The following TANC1 variants were observed in gnomAD, a reference collection of about 807,000 sequenced individuals.
TANC1 encodes tetratricopeptide repeat, ankyrin repeat and coiled-coil containing 1.
TANC1 carries 77 observed loss-of-function variants against 149.7 expected under a neutral mutation model. The ratio of observed to expected loss-of-function variants is 0.51; its 90% CI spans 0.43 to 0.62. The LOEUF is 0.62. TANC1 is among the 20% of genes least tolerant of loss of function. TANC1 has a pLI of 0.00. For synonymous variants in TANC1, 854 were observed against 925.0 expected, an observed-to-expected ratio of 0.92 and a Z score of 1.39; for missense variants, 1,985 against 2,321.8, an observed-to-expected ratio of 0.85 and a Z score of 2.98.
intron 19 of TANC1, among the ~76,000 whole-genome samples, chr2:159,202,082 G>A (rs1273284942): frequency 6.6e-6 from 1 of 152,228 alleles, no homozygotes; most frequent in African/African-American, 2.4e-5. Context: ...TGGTTGTCGT[G>A]CCTGTTGCTG....
At chr2:159,003,946 T>C in intron 2 of TANC1, 3 of 1,612,740 alleles carry the variant, frequency 1.9e-6, no homozygotes, top group Non-Finnish European at 2.5e-6. Flanking sequence ...CAGCCACAGC[T>C]GATGACAAAA....
rs201616636 is a variant in TANC1, at chr2:159,153,972, G to A, written c.682+3416G>A. ...GCTTTGGAAGACCTAACAGTGGCTT[G>A]TAAAACAGGCTGGTGAGGACCCATG... On this transcript the variant is annotated intron_variant, in intron 7 of 26. Coordinates refer to ENST00000263635, the MANE Select transcript of TANC1 (RefSeq NM_033394.3). Among the ~76,000 whole-genome samples the A allele has an allele frequency of 2.0e-5, 3 of 152,210 alleles. 1 individual carries two copies. Among genetic ancestry groups the A allele is most frequent in the Admixed American group, 1.3e-4 (2 of 15,282 alleles).
At chr2:159,068,725 G>A (rs2042884184) in intron 3 of TANC1, among the ~76,000 whole-genome samples, 1 of 152,086 alleles carries the variant, frequency 6.6e-6, no homozygotes, top group Non-Finnish European at 1.5e-5. Context: ...ATGTTTGTTG[G>A]TTCTTATTCT....
intron 22 of TANC1, 110 bp downstream of exon 22, chr2:159,219,977 AGTGTGTGTGTGTGTGT>A (rs760037919): frequency 4.6e-3 from 2,580 of 559,818 alleles, no homozygotes; most frequent in East Asian, 0.027. Context: ...GTCATCAGAG[AGTGTGTGTGTGTGTGT>A]GTGTGTGTGT....
intron 12 of TANC1, among the ~76,000 whole-genome samples, chr2:159,175,828 A>G (rs2055792301): frequency 6.6e-6 from 1 of 152,248 alleles, no homozygotes; most frequent in African/African-American, 2.4e-5. Context: ...GCACTAATAA[A>G]TAGAAAACCA....
In TANC1 at chr2:159,097,772, C is replaced by A; in HGVS notation, c.197C>A (p.Ser66Tyr). 6.2e-7 allele frequency: 1 copy of A among 1,614,096 alleles called. No individual in the cohort carries two copies. The highest frequency in any genetic ancestry group is 8.5e-7 in the Non-Finnish European group (1 of 1,180,014). The change falls in exon 4 of 27, where the codon TCC becomes TAC. Residue 66 changes from serine to tyrosine, a missense_variant. Physicochemically the swap from Ser to Tyr is moderately radical, Grantham distance 144. Coordinates refer to ENST00000263635, the MANE Select transcript of TANC1 (RefSeq NM_033394.3). ...AAAGGTGTCTCGATGTCTCTGCCTT[C>A]CTCACCTTTGCTGCCTCGACAGTCT... ...LAKGVSMSLPSSPLLPRQSHL... is the reference protein window; with the variant it reads ...LAKGVSMSLPYSPLLPRQSHL...
chr2:158,990,295 T>C (rs796812451), intron 1 of TANC1, among the ~76,000 whole-genome samples: 2 of 152,344 alleles, frequency 1.3e-5, no homozygotes, highest in African/African-American at 4.8e-5. Flanking sequence ...TTAGAGTAGC[T>C]CCTAGCACAT....
At chr2:159,124,331 G>A (rs1010015941) in intron 4 of TANC1, among the ~76,000 whole-genome samples, 3 of 152,126 alleles carry the variant, frequency 2.0e-5, no homozygotes, top group Non-Finnish European at 2.9e-5. Flanking sequence ...GCGACGGAAC[G>A]AGATTTTGTC....
Position 159,179,070 on chromosome 2 carries a change from G to A in TANC1, c.2417G>A (p.Arg806Gln), listed in dbSNP as rs776082381. ...DALSCFLIKR[R>Q]DKTRMFCHPS... ...CTCTCCTGCTTCCTCATTAAGAGGC[G>A]AGACAAAACCCGCATGTTCTGCCAC... The change falls in exon 14 of 27, where the codon CGA (arginine) becomes CAA (glutamine). Residue 806 changes from arginine to glutamine, a missense_variant. By Grantham distance (43) the Arg-to-Gln change is conservative (BLOSUM62 1). This residue lies in a region of TANC1 where 508 missense variants were observed against 714.2 expected (regional missense o/e 0.71). Coordinates refer to ENST00000263635, the MANE Select transcript of TANC1 (RefSeq NM_033394.3). 18 of 1,613,756 alleles carry A rather than the reference G, an allele frequency of 1.1e-5. No individual in the cohort carries two copies. Among genetic ancestry groups the A allele is most frequent in the African/African-American group, 2.7e-5 (2 of 74,842 alleles).
intron 4 of TANC1, among the ~76,000 whole-genome samples, chr2:159,107,666 C>T (rs774824538): frequency 4.6e-5 from 7 of 152,182 alleles, no homozygotes; most frequent in Admixed American, 6.5e-5. Flanking sequence ...CCCTATTGTT[C>T]CTCTTCCCCC....
intron 2 of TANC1, among the ~76,000 whole-genome samples, chr2:159,054,894 G>GGT (rs2041734548): frequency 6.6e-6 from 1 of 152,192 alleles, no homozygotes; most frequent in East Asian, 1.9e-4. Flanking sequence ...AATGCCTACA[G>GGT]GTGGAAGAGA....
intron 25 of TANC1, chr2:159,228,522 G>C (rs1341088579): frequency 8.3e-5 from 36 of 433,052 alleles, no homozygotes; most frequent in Non-Finnish European, 1.3e-5. Context: ...GCTCCTCTCT[G>C]AGGCTGCCCC....
chr2:159,185,558 C>T (rs557097233), intron 14 of TANC1, among the ~76,000 whole-genome samples: 2 of 152,318 alleles, frequency 1.3e-5, no homozygotes, highest in African/African-American at 4.8e-5. Context: ...AGGGATGGTT[C>T]TGTGCTCTGT....
In TANC1 at chr2:159,057,294, TTTTACCTTGTA is replaced by T. The variant is rs1274144123; in HGVS notation, c.-15-8601_-15-8591del. Reference sequence around the variant, plus strand: ...ACCTTCACTGCACCTCTTACCTTGTTTTTACCTTGTAGACAAAATGGAGGCATGAATGTTTT... The same window carrying T: ...ACCTTCACTGCACCTCTTACCTTGTTGACAAAATGGAGGCATGAATGTTTT... On this transcript the variant is annotated intron_variant, in intron 2 of 26. Transcript: ENST00000263635. Among the ~76,000 whole-genome samples, 2 of 152,240 alleles carry T rather than the reference TTTTACCTTGTA, an allele frequency of 1.3e-5. 1 individual carries two copies. The highest frequency in any genetic ancestry group is 6.3e-3 in the Middle Eastern group (2 of 316).
chr2:159,121,415 C>G (rs1399351245), intron 4 of TANC1, among the ~76,000 whole-genome samples: 1 of 152,248 alleles, frequency 6.6e-6, no homozygotes, highest in Non-Finnish European at 1.5e-5. Context: ...CTTACTGCAA[C>G]CTCTGCCTCC....
At chr2:159,080,802 C>T (rs1203361975) in intron 3 of TANC1, among the ~76,000 whole-genome samples, 3 of 152,178 alleles carry the variant, frequency 2.0e-5, no homozygotes, top group Non-Finnish European at 4.4e-5. Context: ...GCTCTGTGTA[C>T]AGCCCGGCTC....
rs59509568 is a variant in TANC1 at position 159,117,701 on chromosome 2, CTTTTTTTTTTTTTTTTTTTTT to C, written c.260-18483_260-18463del. Among the ~76,000 whole-genome samples the C allele has an allele frequency of 2.7e-3, 309 of 113,276 alleles. 7 individuals are homozygous for C. The South Asian group carries it at 0.044, about 16-fold the overall frequency. The allele number at this position is 113,276 out of a possible 152,430, so 74.3% of individuals were successfully genotyped here. On this transcript the variant is annotated intron_variant, in intron 4 of 26. Transcript: ENST00000263635. ...GTGAGCCACCGTGCCCGGCCTATTC[CTTTTTTTTTTTTTTTTTTTTT>C]TTTTTTTTTAAAGCTTATTCCCAAT...
chr2:159,124,980 T>C (rs1215484950), intron 4 of TANC1, among the ~76,000 whole-genome samples: 2 of 150,318 alleles, frequency 1.3e-5, no homozygotes, highest in African/African-American at 4.9e-5. Flanking sequence ...TGGGCTCAAG[T>C]GATCCTCCCA....
At chr2:159,118,653 C>G (rs958551812) in intron 4 of TANC1, among the ~76,000 whole-genome samples, 11 of 152,184 alleles carry the variant, frequency 7.2e-5, no homozygotes, top group African/African-American at 2.6e-4. Flanking sequence ...TACCTGAAAC[C>G]TTAAGGAGAA....
Sources: allele counts gnomAD v4.1 joint callset (sites outside exome capture counted in the v4.1 genomes callset), GRCh38; gene constraint gnomAD v4.1.1; regional missense constraint gnomAD v4.1.1; transcripts MANE v1.5; gene names NCBI Gene and HGNC (gene_info 2026-07-23, HGNC 2026-07-21).